DYNC1I2: variants seen among roughly 807,000 people sequenced by gnomAD.
DYNC1I2 encodes the protein cytoplasmic dynein 1 intermediate chain 2.
DYNC1I2 carries 53 observed loss-of-function variants against 88.6 expected under a neutral mutation model. That is an observed-to-expected ratio of 0.60 (90% CI 0.48 to 0.75). The LOEUF (loss-of-function observed/expected upper bound fraction) is 0.75, where lower values mean the gene tolerates loss of function less well. Among genes scored for constraint, DYNC1I2 ranks in the 30% least tolerant of loss-of-function variants. The pLI is 0.00. For synonymous variants in DYNC1I2, 198 were observed against 254.6 expected, an observed-to-expected ratio of 0.78 and a Z score of 2.12; for missense variants, 458 against 766.6, an observed-to-expected ratio of 0.60 and a Z score of 4.75.
intron 15 of DYNC1I2, among the ~76,000 whole-genome samples, chr2:171,734,172 C>T (rs745662687): frequency 1.3e-5 from 2 of 152,022 alleles, no homozygotes; most frequent in Non-Finnish European, 2.9e-5. Flanking sequence ...AATCTTTTAT[C>T]TATTTCTAGT....
chr2:171,729,820 G>T lies in DYNC1I2; in HGVS notation c.1503G>T (p.Ser501=), dbSNP rs375858786. Residue 501 remains serine, a synonymous_variant, in exon 15 of 18, where the codon TCG becomes TCT. Coordinates refer to ENST00000397119, the MANE Select transcript of DYNC1I2 (RefSeq NM_001378.3). ...VDFSHLFVTS[S]FDWTVKLWTT... is the part of the protein sequence containing the mutation. ...TCTCACATCTTTTTGTCACTTCATC[G>T]TTTGACTGGACAGTAAAGCTTTGGA... 3 of 1,613,560 alleles carry T rather than the reference G, an allele frequency of 1.9e-6. No individual in the cohort carries two copies. Among genetic ancestry groups the T allele is most frequent in the East Asian group, 4.5e-5 (2 of 44,880 alleles).
rs770525091 is a variant in DYNC1I2, at chr2:171,726,751, T to TA, written c.871-39dup. Reference sequence around the variant, plus strand: ...ACTAGGATTATAAAACAGTTCTTATTATGCATAGCATTTCTTTTCTTCTTG... The same window carrying TA: ...ACTAGGATTATAAAACAGTTCTTATTAATGCATAGCATTTCTTTTCTTCTTG... On this transcript the variant is annotated intron_variant, in intron 10 of 17. Transcript: ENST00000397119. The TA allele has an allele frequency of 3.7e-6, 6 of 1,605,190 alleles. No homozygotes were observed. In the Admixed American group the frequency reaches 1.0e-4, roughly 28 times the overall value.
In DYNC1I2 at chr2:171,728,768, A is replaced by G. The variant is rs201193900; in HGVS notation, c.1309A>G (p.Met437Val). 18 of 1,610,082 alleles carry G rather than the reference A, an allele frequency of 1.1e-5. No individual in the cohort carries two copies. Among genetic ancestry groups the G allele is most frequent in the South Asian group, 6.6e-5 (6 of 90,364 alleles). The stretch of plus-strand genomic sequence containing the variant: ...GTCAAAAGCAGTAGCTGTGACATCT[A>G]TGTCCTTCCCTGTTGGAGATGTCAA... ...KQSKAVAVTSMSFPVGDVNNF... is the reference protein window; with the variant it reads ...KQSKAVAVTSVSFPVGDVNNF... The change falls in exon 14 of 18, where the codon ATG becomes GTG. Residue 437 changes from methionine (M) to valine (V), a missense_variant. Around this residue, in one of 5 missense-constraint regions of DYNC1I2, gnomAD observed 188 missense variants for 300.4 expected, o/e 0.63. Coordinates refer to ENST00000397119, the MANE Select transcript of DYNC1I2 (RefSeq NM_001378.3).
chr2:171,725,579 T>G (rs1207184529), intron 7 of DYNC1I2, 39 bp from the exon 8 acceptor site: 7 of 1,245,094 alleles, frequency 5.6e-6, no homozygotes, highest in African/African-American at 1.7e-5. Flanking sequence ...TATCATTCTG[T>G]TTTTTTGTTT....
rs2105802223 is a variant in DYNC1I2 at position 171,748,870 on chromosome 2, T to G, written c.*981T>G. Among the ~76,000 whole-genome samples, 1 of 152,330 alleles carries G rather than the reference T, an allele frequency of 6.6e-6. No homozygotes were observed. The highest frequency in any genetic ancestry group is 1.5e-5 in the Non-Finnish European group (1 of 68,010). On this transcript the variant is annotated 3_prime_UTR_variant, in exon 18 of 18. Coordinates refer to ENST00000397119, the MANE Select transcript of DYNC1I2 (RefSeq NM_001378.3). ...CTTGAGATCTGTTGCCACAGCATTG[T>G]CTACAAGTCCGAAAGGTAGGTGACA...
intron 7 of DYNC1I2, among the ~76,000 whole-genome samples, chr2:171,715,717 TG>T (rs768751859): frequency 2.8e-4 from 43 of 152,320 alleles, no homozygotes; most frequent in Admixed American, 1.1e-3. Context: ...GCCCTTATTT[TG>T]TCATTAATGT....
chr2:171,708,372 A>G (rs115389941), intron 5 of DYNC1I2, among the ~76,000 whole-genome samples: 2 of 152,344 alleles, frequency 1.3e-5, no homozygotes, highest in African/African-American at 2.4e-5. Context: ...TGTAAACTCA[A>G]TACTTCAATC....
At chr2:171,717,327 C>T (rs1687575965) in intron 7 of DYNC1I2, among the ~76,000 whole-genome samples, 2 of 152,060 alleles carry the variant, frequency 1.3e-5, no homozygotes, top group Admixed American at 1.3e-4. Context: ...GTTGGCCAGG[C>T]TGGTCTCGAA....
intron 3 of DYNC1I2, among the ~76,000 whole-genome samples, chr2:171,704,747 G>A (rs781507747): frequency 6.6e-6 from 1 of 152,074 alleles, no homozygotes; most frequent in Non-Finnish European, 1.5e-5. Context: ...GTTCTCAGGG[G>A]TTTATTGAAG....
chr2:171,710,412 G>T (rs1453763353), intron 5 of DYNC1I2, among the ~76,000 whole-genome samples: 2 of 152,158 alleles, frequency 1.3e-5, no homozygotes, highest in Non-Finnish European at 2.9e-5. Flanking sequence ...ATGTGTGCAT[G>T]CACCTGTACG....
chr2:171,709,366 G>C (rs762150134), intron 5 of DYNC1I2, among the ~76,000 whole-genome samples: 26 of 152,056 alleles, frequency 1.7e-4, no homozygotes, highest in Non-Finnish European at 4.4e-5. Context: ...AGTAATAATG[G>C]TAAGAAAAAT....
At position 171,725,702 on chromosome 2, in the gene DYNC1I2, A is replaced by G. The variant is rs200721036; in HGVS notation, c.596A>G (p.Asn199Ser). ...AAAACTTTAAAGAAAGATGAGGAAA[A>G]TGATAGTAAAGGTATCTTAAGGAAT... The part of the protein sequence containing the change: ...EEKTLKKDEE[N>S]DSKAPPHELT... Residue 199 changes from asparagine (N) to serine (S), a missense_variant, in exon 8 of 18, where the codon AAT becomes AGT. Physicochemically the swap from Asn to Ser is conservative, Grantham distance 46. Coordinates refer to ENST00000397119, the MANE Select transcript of DYNC1I2 (RefSeq NM_001378.3). The G allele has an allele frequency of 1.7e-5, 26 of 1,567,514 alleles. No homozygotes were observed. In the Middle Eastern group the frequency reaches 5.1e-4, roughly 31 times the overall value.
chr2:171,733,111 G>T (rs1195739215), intron 15 of DYNC1I2, among the ~76,000 whole-genome samples: 1 of 152,182 alleles, frequency 6.6e-6, no homozygotes, highest in Non-Finnish European at 1.5e-5. Context: ...TTCTGTTCCT[G>T]CATTGGTTTG....
intron 6 of DYNC1I2, among the ~76,000 whole-genome samples, chr2:171,713,048 A>C (rs1271355955): frequency 2.6e-5 from 4 of 152,168 alleles, no homozygotes; most frequent in Non-Finnish European, 4.4e-5. Context: ...AATGTTTAAA[A>C]TTATTTCTAT....
chr2:171,691,390 G>A (rs1685394510), intron 2 of DYNC1I2, among the ~76,000 whole-genome samples: 2 of 152,286 alleles, frequency 1.3e-5, no homozygotes, highest in Admixed American at 6.5e-5. Context: ...CTAGTGTAAG[G>A]TAGTTTTTCT....
Position 171,728,794 on chromosome 2 carries a change from C to T in DYNC1I2, c.1335C>T (p.Asn445=). 1 of 1,611,042 alleles carries T rather than the reference C, an allele frequency of 6.2e-7. No homozygotes were observed. The highest frequency in any genetic ancestry group is 1.1e-5 in the South Asian group (1 of 90,408). Residue 445 remains asparagine (N), a synonymous_variant, in exon 14 of 18, where the codon AAC becomes AAT. Coordinates refer to ENST00000397119, the MANE Select transcript of DYNC1I2 (RefSeq NM_001378.3). ...TSMSFPVGDV[N]NFVVGSEEGS... is the part of the protein sequence containing the mutation. ...TGTCCTTCCCTGTTGGAGATGTCAA[C>T]AACTTTGTTGTTGGGAGTGAAGAAG...
chr2:171,717,033 A>C (rs1687547110), intron 7 of DYNC1I2, among the ~76,000 whole-genome samples: 1 of 152,184 alleles, frequency 6.6e-6, no homozygotes, highest in Non-Finnish European at 1.5e-5. Flanking sequence ...TAAATACATT[A>C]AACTTTTCCT....
intron 5 of DYNC1I2, among the ~76,000 whole-genome samples, chr2:171,708,751 G>A (rs1161022896): frequency 6.6e-6 from 1 of 151,824 alleles, no homozygotes; most frequent in Non-Finnish European, 1.5e-5. Flanking sequence ...GGAGGGCAGT[G>A]GCGCAATCTT....
chr2:171,727,030 TA>T, intron 11 of DYNC1I2, 114 bp downstream of exon 11: 2 of 1,169,974 alleles, frequency 1.7e-6, no homozygotes, highest in South Asian at 3.7e-5. Context: ...ATTGGCATTT[TA>T]CTAAACCACT....
Sources: gnomAD v4.1 joint callset for allele counts (sites outside exome capture counted in the v4.1 genomes callset) on GRCh38, gnomAD v4.1.1 for gene constraint, gnomAD v4.1.1 regional missense constraint, MANE v1.5 for transcripts, NCBI Gene and HGNC (gene_info 2026-07-23, HGNC 2026-07-21) for gene names.